The following CCDC180 variants were observed in gnomAD, a reference collection of about 807,000 sequenced individuals.
The protein encoded by CCDC180 is coiled-coil domain-containing protein 180.
In CCDC180, 154 loss-of-function variants were observed where a neutral mutation model predicts 209.2. That is an observed-to-expected ratio of 0.74 (90% CI 0.65 to 0.84). The LOEUF (loss-of-function observed/expected upper bound fraction) is 0.84. CCDC180 is among the 40% of genes least tolerant of loss of function. The pLI is 0.00. For missense variants in CCDC180, 1,874 were observed against 1,997.3 expected (o/e 0.94, Z 1.18); for synonymous variants, 778 against 749.1 (o/e 1.04, Z -0.63).
rs1389322920 is a variant in CCDC180 at position 97,312,161 on chromosome 9, C to T, written c.309C>T (p.Thr103=). 3 of 1,613,956 alleles carry T rather than the reference C, an allele frequency of 1.9e-6. No individual in the cohort carries two copies. The highest frequency in any genetic ancestry group is 1.7e-6 in the Non-Finnish European group (2 of 1,179,992). Residue 103 remains threonine (T), a synonymous_variant, in exon 4 of 37, where the codon ACC becomes ACT. Coordinates refer to ENST00000529487, the MANE Select transcript of CCDC180 (RefSeq NM_020893.6). Reference sequence around the variant, plus strand: ...AAAAAGCCCGAGAGAGTGAGAACACCATCGCTGCCCGAGAAGTGCGGGGTC... The same window carrying T: ...AAAAAGCCCGAGAGAGTGAGAACACTATCGCTGCCCGAGAAGTGCGGGGTC... ...KREKARESEN[T]IAAREVRGLM...
At chr9:97,308,397 CTG>C (rs1414702608) in intron 2 of CCDC180, among the ~76,000 whole-genome samples, 5 of 152,204 alleles carry the variant, frequency 3.3e-5, no homozygotes, top group African/African-American at 4.8e-5. Context: ...TGGGTGACCT[CTG>C]TTTTTCCCAT....
chr9:97,328,236 G>A, intron 16 of CCDC180, 90 bp downstream of exon 16: 1 of 1,438,816 alleles, frequency 7.0e-7, no homozygotes, highest in Non-Finnish European at 9.4e-7. Flanking sequence ...GACTTTGAAA[G>A]CCATTCCTAA....
In CCDC180 at chr9:97,374,633, T is replaced by C. The variant is rs780632960; in HGVS notation, c.4691T>C (p.Ile1564Thr). The change falls in exon 35 of 37, where the codon ATT (isoleucine) becomes ACT (threonine). Residue 1564 changes from isoleucine (I) to threonine (T), a missense_variant. Physicochemically the swap from Ile to Thr is moderately conservative, Grantham distance 89. Coordinates refer to ENST00000529487, the MANE Select transcript of CCDC180 (RefSeq NM_020893.6). Reference protein sequence around the residue: ...SLKEESEKPLIERGSRKWPGI... With the variant: ...SLKEESEKPLTERGSRKWPGI... The stretch of plus-strand genomic sequence containing the variant: ...AAGGAAGAGAGTGAGAAACCCCTGA[T>C]TGAACGTGGAAGCAGGTGAGAACCA... 1.1e-5 allele frequency: 18 copies of C among 1,613,908 alleles called. No individual in the cohort carries two copies. The highest frequency in any genetic ancestry group is 1.5e-5 in the Non-Finnish European group (18 of 1,179,894).
Position 97,330,378 on chromosome 9 carries a change from T to G in CCDC180, c.1885T>G (p.Ser629Ala). The change falls in exon 18 of 37, where the codon TCT becomes GCT. Residue 629 changes from serine to alanine, a missense_variant. Physicochemically the swap from Ser to Ala is moderately conservative, Grantham distance 99. Transcript: ENST00000529487. ...RVKKLRKKQG[S>A]KEDMTRSEES... Reference sequence around the variant, plus strand: ...GAAAAAACTGAGGAAGAAGCAAGGGTCTAAAGAGGACATGACCAGAAGTGA... The same window carrying G: ...GAAAAAACTGAGGAAGAAGCAAGGGGCTAAAGAGGACATGACCAGAAGTGA... 6.2e-7 allele frequency: 1 copy of G among 1,613,944 alleles called. No homozygotes were observed. Among genetic ancestry groups the G allele is most frequent in the Non-Finnish European group, 8.5e-7 (1 of 1,179,994 alleles).
intron 15 of CCDC180, 91 bp from the exon 16 acceptor site, chr9:97,327,929 C>A (rs1564154359): frequency 2.1e-6 from 3 of 1,422,976 alleles, no homozygotes. Context: ...CAGCTCTACA[C>A]AGAGTTGTGT....
rs375720629 is a variant in CCDC180, at chr9:97,362,240, C to A, written c.3701C>A (p.Pro1234Gln). The change falls in exon 28 of 37, where the codon CCG becomes CAG. Residue 1234 changes from proline (P) to glutamine (Q), a missense_variant. Transcript: ENST00000529487. ...CCAACCCACCATTGTGACAAAGATC[C>A]GTCCCAGACAGGTAGAGGCGCATGG... The part of the protein sequence containing the change: ...KWPTHHCDKD[P>Q]SQTGRGAWAC... The A allele has an allele frequency of 1.3e-4, 216 of 1,613,760 alleles. No individual in the cohort carries two copies. The highest frequency in any genetic ancestry group is 1.8e-4 in the Non-Finnish European group (208 of 1,179,872).
intron 22 of CCDC180, among the ~76,000 whole-genome samples, 165 bp downstream of exon 22, chr9:97,350,720 G>A (rs1216088361): frequency 6.6e-6 from 1 of 152,116 alleles, no homozygotes; most frequent in Non-Finnish European, 1.5e-5. Flanking sequence ...GGATATCCTG[G>A]TTGTTGTGCT....
chr9:97,307,869 C>A (rs370078752), intron 1 of CCDC180, 63 bp downstream of exon 1: 26 of 1,606,916 alleles, frequency 1.6e-5, no homozygotes, highest in Middle Eastern at 1.7e-4. Flanking sequence ...CCGCCTACCC[C>A]CCAGCAGAGA....
intron 18 of CCDC180, among the ~76,000 whole-genome samples, chr9:97,332,538 C>T (rs1334797176): frequency 6.6e-6 from 1 of 152,118 alleles, no homozygotes; most frequent in Non-Finnish European, 1.5e-5. Flanking sequence ...GTTTGGTCAT[C>T]TCTGATTTCT....
At chr9:97,362,758 G>A (rs916023618) in intron 28 of CCDC180, among the ~76,000 whole-genome samples, 1 of 152,172 alleles carries the variant, frequency 6.6e-6, no homozygotes, top group South Asian at 2.1e-4. Flanking sequence ...AAGCCTCAGT[G>A]GGGTTGTTAG....
chr9:97,370,321 C>T (rs1000645933), intron 32 of CCDC180, among the ~76,000 whole-genome samples: 7 of 152,142 alleles, frequency 4.6e-5, no homozygotes, highest in Admixed American at 1.3e-4. Context: ...TGCTGGGTTC[C>T]GTGGGGCTGT....
At chr9:97,317,026 C>A in intron 8 of CCDC180, 39 bp from the exon 9 acceptor site, 1 of 1,565,950 alleles carries the variant, frequency 6.4e-7, no homozygotes, top group African/African-American at 1.3e-5. Flanking sequence ...CCGAGAGAGA[C>A]CCTGCCCTGT....
chr9:97,366,581 GC>G lies in CCDC180; in HGVS notation c.4073del (p.Pro1358GlnfsTer39). On this transcript the variant is annotated frameshift_variant, in exon 31 of 37. Coordinates refer to ENST00000529487, the MANE Select transcript of CCDC180 (RefSeq NM_020893.6). LOFTEE classifies it high-confidence loss of function. The surrounding 1 kb of genome is among the most constrained non-coding windows in gnomAD (Gnocchi z 4.3). ...VAEEFYRKEK[R>X]PVTRPDCMCD... ...CAGGAGTTCTACCGTAAAGAAAAAC[GC>G]CCAGTCACCAGGCCTGACTGCATGT... 6.2e-7 allele frequency: 1 copy of G among 1,614,108 alleles called. No homozygotes were observed. The highest frequency in any genetic ancestry group is 8.5e-7 in the Non-Finnish European group (1 of 1,179,994).
chr9:97,362,467 C>G (rs764119030), intron 28 of CCDC180, 26 bp downstream of exon 28: 1 of 1,604,772 alleles, frequency 6.2e-7, no homozygotes, highest in Non-Finnish European at 8.5e-7. Context: ...GCCAGAATCG[C>G]CCCTTCCCAG....
At position 97,377,533 on chromosome 9, in the gene CCDC180, G is replaced by A. The variant is rs920109007; in HGVS notation, c.*639G>A. On this transcript the variant is annotated 3_prime_UTR_variant, in exon 37 of 37. Transcript: ENST00000529487. Reference sequence around the variant, plus strand: ...ACAGCCTTCATTTGTCGGTAGCTGTGTGTGTCATCTGGACAGGTTTCCTCA... The same window carrying A: ...ACAGCCTTCATTTGTCGGTAGCTGTATGTGTCATCTGGACAGGTTTCCTCA... The A allele has an allele frequency of 1.3e-5, 2 of 152,236 alleles. No individual in the cohort carries two copies. The highest frequency in any genetic ancestry group is 4.8e-5 in the African/African-American group (2 of 41,430). 9.4% of individuals were successfully genotyped at this position (152,236 alleles called of 1,614,324 possible). A position where few individuals can be genotyped will look rare whatever the true frequency, so the allele number is the denominator to read the frequency against.
intron 33 of CCDC180, 57 bp downstream of exon 33, chr9:97,370,835 C>T: frequency 1.3e-6 from 2 of 1,561,352 alleles, no homozygotes; most frequent in Non-Finnish European, 8.7e-7. Context: ...GCCCGATGGA[C>T]AGCCACTGAC....
intron 10 of CCDC180, among the ~76,000 whole-genome samples, 164 bp downstream of exon 10, chr9:97,318,746 C>G (rs1833263186): frequency 6.6e-6 from 1 of 152,168 alleles, no homozygotes; most frequent in African/African-American, 2.4e-5. Context: ...GCCCCACTCA[C>G]AAGAAAGGCC....
At chr9:97,333,320 G>A (rs1388036106) in intron 18 of CCDC180, among the ~76,000 whole-genome samples, 5 of 152,096 alleles carry the variant, frequency 3.3e-5, no homozygotes, top group African/African-American at 1.2e-4. Context: ...ATATTGGCCT[G>A]AAATTTTCTT....
chr9:97,371,427 C>T lies in CCDC180; in HGVS notation c.4489-168C>T, dbSNP rs2117992410. On this transcript the variant is annotated intron_variant, in intron 33 of 36. Coordinates refer to ENST00000529487, the MANE Select transcript of CCDC180 (RefSeq NM_020893.6). ...TTATTATGTTTAAACCAGATCACAT[C>T]TTGGGAGAGGCCTCCTGGCTGAGGG... 3 of 475,312 alleles carry T rather than the reference C, an allele frequency of 6.3e-6. No individual in the cohort carries two copies. The Admixed American group carries it at 9.4e-5, about 15-fold the overall frequency. The allele number at this position is 475,312 out of a possible 1,614,324, so 29.4% of individuals were successfully genotyped here. A position where few individuals can be genotyped will look rare whatever the true frequency, so the allele number is the denominator to read the frequency against.
Sources: gnomAD v4.1 joint callset for allele counts (sites outside exome capture counted in the v4.1 genomes callset) on GRCh38, gnomAD v4.1.1 for gene constraint, Gnocchi (gnomAD v3.1) non-coding constraint, MANE v1.5 for transcripts, NCBI Gene and HGNC (gene_info 2026-07-23, HGNC 2026-07-21) for gene names.